FAM193A: variants seen among roughly 807,000 people sequenced by gnomAD.
The protein encoded by FAM193A is protein FAM193A.
FAM193A carries 22 observed loss-of-function variants against 126.5 expected under a neutral mutation model. The observed-to-expected ratio is 0.17, with a 90% CI of 0.12 to 0.25. FAM193A has a LOEUF of 0.25. Among genes scored for constraint, FAM193A ranks in the 10% least tolerant of loss-of-function variants. The pLI, the probability that FAM193A is intolerant of heterozygous loss-of-function variation, is 1.00. For missense variants in FAM193A, 1,675 were observed against 1,672.8 expected (o/e 1.00, Z -0.02); for synonymous variants, 761 against 646.8 (o/e 1.18, Z -2.68).
chr4:2,564,796 T>G (rs1054270359), intron 1 of FAM193A, among the ~76,000 whole-genome samples: 3 of 151,714 alleles, frequency 2.0e-5, no homozygotes, highest in Admixed American at 1.3e-4. Context: ...ACACTTGTGG[T>G]TTTTTTTGTT....
At position 2,547,654 on chromosome 4, in the gene FAM193A, C is replaced by G. The variant is rs1429090231; in HGVS notation, c.255+10484C>G. 4.0e-5 allele frequency among the ~76,000 whole-genome samples: 6 copies of G among 148,156 alleles called. 1 individual carries two copies. The South Asian group carries it at 1.0e-3, about 26-fold the overall frequency. On this transcript the variant is annotated intron_variant, in intron 1 of 20. Transcript: ENST00000637812. ...TATTTTTTTTTTTTGGAAGTGGAGT[C>G]TCACCCTTTCGCCCAGGCTGGAGTG... is the stretch of plus-strand genomic sequence containing the variant.
At chr4:2,630,737 C>G (rs1743479245) in intron 4 of FAM193A, among the ~76,000 whole-genome samples, 198 bp from the exon 5 acceptor site, 1 of 152,240 alleles carries the variant, frequency 6.6e-6, no homozygotes, top group African/African-American at 2.4e-5. Flanking sequence ...TTGCTGTTCC[C>G]TAGTGACACT....
At chr4:2,688,476 C>T (rs1415669078) in intron 13 of FAM193A, among the ~76,000 whole-genome samples, 3 of 151,958 alleles carry the variant, frequency 2.0e-5, no homozygotes, top group African/African-American at 4.8e-5. Flanking sequence ...GGACACAGCA[C>T]AAGCAGAACT....
rs1466543696 is a variant in FAM193A at position 2,596,230 on chromosome 4, C to G, written c.402C>G (p.Pro134=). Residue 134 remains proline (P), a synonymous_variant, in exon 2 of 21, where the codon CCC becomes CCG. Coordinates refer to ENST00000637812, the MANE Select transcript of FAM193A (RefSeq NM_001366318.2). Reference sequence around the variant, plus strand: ...GCAAATTGGCCCTTTCCATGGCTCCCAAGGGCAACAGCGTGCTGCACCTGC... The same window carrying G: ...GCAAATTGGCCCTTTCCATGGCTCCGAAGGGCAACAGCGTGCTGCACCTGC... ...TASKLALSMA[P]KGNSVLHLPL... is the part of the protein sequence containing the mutation. 9 of 702,876 alleles carry G rather than the reference C, an allele frequency of 1.3e-5. No individual in the cohort carries two copies. The Admixed American group carries it at 1.8e-4, about 14-fold the overall frequency. The allele number at this position is 702,876 out of a possible 1,614,324, so 43.5% of individuals were successfully genotyped here.
chr4:2,584,425 CA>C (rs371307978), intron 1 of FAM193A, among the ~76,000 whole-genome samples: 686 of 60,866 alleles, frequency 0.011, 3 homozygotes, highest in South Asian at 0.026. Context: ...GATTCCGTCT[CA>C]AAAAAAAAAA....
At chr4:2,712,447 G>T (rs1487854174) in intron 19 of FAM193A, among the ~76,000 whole-genome samples, 1 of 152,098 alleles carries the variant, frequency 6.6e-6, no homozygotes, top group Non-Finnish European at 1.5e-5. Context: ...GCCACCTTCT[G>T]GTCGTGCTTT....
intron 12 of FAM193A, among the ~76,000 whole-genome samples, chr4:2,666,001 A>T (rs1351191738): frequency 2.0e-5 from 3 of 151,994 alleles, no homozygotes; most frequent in Admixed American, 1.3e-4. Flanking sequence ...CTCTTGCCTT[A>T]TTGAGCTAGC....
At position 2,731,958 on chromosome 4, in the gene FAM193A, G is replaced by A. The variant is rs548508072; in HGVS notation, c.*90G>A. Reference sequence around the variant, plus strand: ...CCCCTCGCTGGCGCCCCAGAGCCGTGGTGCTTGCCAAGGGCTGTGCGGAGC... The same window carrying A: ...CCCCTCGCTGGCGCCCCAGAGCCGTAGTGCTTGCCAAGGGCTGTGCGGAGC... On this transcript the variant is annotated 3_prime_UTR_variant, in exon 21 of 21. Transcript: ENST00000637812. 23 of 1,016,776 alleles carry A rather than the reference G, an allele frequency of 2.3e-5. No homozygotes were observed. The East Asian group carries it at 5.5e-4, about 24-fold the overall frequency. 63.0% of individuals were successfully genotyped at this position (1,016,776 alleles called of 1,614,324 possible).
chr4:2,560,524 C>T (rs1021422904), intron 1 of FAM193A, among the ~76,000 whole-genome samples: 1 of 151,974 alleles, frequency 6.6e-6, no homozygotes, highest in Non-Finnish European at 1.5e-5. Context: ...TGCATTTCTT[C>T]CCTCTTCACC....
chr4:2,623,416 C>T (rs532277357), intron 2 of FAM193A, among the ~76,000 whole-genome samples: 10 of 152,152 alleles, frequency 6.6e-5, no homozygotes, highest in Non-Finnish European at 1.5e-4. Flanking sequence ...GTGATCTGCC[C>T]GCCTTGGCCT....
chr4:2,667,932 C>T lies in FAM193A; in HGVS notation c.2080-4189C>T, dbSNP rs116830608. On this transcript the variant is annotated intron_variant, in intron 12 of 20. Coordinates refer to ENST00000637812, the MANE Select transcript of FAM193A (RefSeq NM_001366318.2). ...TCTCTTTTTTTCTTAGAGACAGGGTCTTGCTCTGTTACACAAGCTGGAGTG... is the reference window on the plus strand; with the variant it reads ...TCTCTTTTTTTCTTAGAGACAGGGTTTTGCTCTGTTACACAAGCTGGAGTG... 8.6e-3 allele frequency among the ~76,000 whole-genome samples: 1,309 copies of T among 152,234 alleles called. 16 individuals are homozygous for T. The highest frequency in any genetic ancestry group is 0.03 in the African/African-American group (1,255 of 41,540).
intron 7 of FAM193A, chr4:2,655,144 A>G (rs1000928172): frequency 1.4e-6 from 1 of 692,114 alleles, no homozygotes; most frequent in South Asian, 1.5e-5. Context: ...GTGTTTCACC[A>G]TGAAGTTTGA....
chr4:2,674,930 A>G (rs1309611103), intron 13 of FAM193A, among the ~76,000 whole-genome samples: 4 of 152,146 alleles, frequency 2.6e-5, no homozygotes, highest in Non-Finnish European at 4.4e-5. Flanking sequence ...GAATTTATAT[A>G]TGGAGTATAA....
intron 1 of FAM193A, among the ~76,000 whole-genome samples, chr4:2,539,278 G>A (rs1360053154): frequency 6.6e-6 from 1 of 152,094 alleles, no homozygotes; most frequent in African/African-American, 2.4e-5. Context: ...ATGTTGCCTA[G>A]GCTGGCCTTG....
At chr4:2,561,945 A>G (rs995510729) in intron 1 of FAM193A, among the ~76,000 whole-genome samples, 1 of 152,104 alleles carries the variant, frequency 6.6e-6, no homozygotes, top group Non-Finnish European at 1.5e-5. Flanking sequence ...TCTTCTTCCC[A>G]TATTACAAAA....
rs1353261917 is a variant in FAM193A, at chr4:2,541,938, CCTCCTGAGTTCAAGTGATT to C, written c.255+4775_255+4793del. ...TTCTGCCTCCTGAGTTCAAGTGATTCCTCCTGAGTTCAAGTGATTCTCCTGCCTCAGCCTCCCGAGTAGC... is the reference window on the plus strand; with the variant it reads ...TTCTGCCTCCTGAGTTCAAGTGATTCCTCCTGCCTCAGCCTCCCGAGTAGC... On this transcript the variant is annotated intron_variant, in intron 1 of 20. Coordinates refer to ENST00000637812, the MANE Select transcript of FAM193A (RefSeq NM_001366318.2). 2.6e-5 allele frequency among the ~76,000 whole-genome samples: 4 copies of C among 152,058 alleles called. No homozygotes were observed. The East Asian group carries it at 7.7e-4, about 29-fold the overall frequency.
intron 5 of FAM193A, among the ~76,000 whole-genome samples, chr4:2,637,560 A>T (rs1377501032): frequency 6.6e-6 from 1 of 151,984 alleles, no homozygotes; most frequent in Admixed American, 6.6e-5. Flanking sequence ...AAACCCCCAA[A>T]CCTTTTTTGT....
At chr4:2,589,318 C>T (rs1740396625) in intron 1 of FAM193A, among the ~76,000 whole-genome samples, 1 of 152,106 alleles carries the variant, frequency 6.6e-6, no homozygotes, top group African/African-American at 2.4e-5. Context: ...TTTAATAGGG[C>T]AATTCAGGAG....
intron 5 of FAM193A, among the ~76,000 whole-genome samples, chr4:2,632,048 T>G (rs1743642184): frequency 6.7e-6 from 1 of 149,546 alleles, no homozygotes; most frequent in Admixed American, 6.6e-5. Flanking sequence ...TTAGGAAGGC[T>G]GAGAAGTCTA....
Sources: gnomAD v4.1 joint callset for allele counts (sites outside exome capture counted in the v4.1 genomes callset) on GRCh38, gnomAD v4.1.1 for gene constraint, MANE v1.5 for transcripts, NCBI Gene and HGNC (gene_info 2026-07-23, HGNC 2026-07-21) for gene names.